SEMA5A: variants seen among roughly 807,000 people sequenced by gnomAD.
SEMA5A encodes the protein semaphorin 5A, also known as semaphorin-5A.
A neutral mutation model predicts 135.5 loss-of-function variants in SEMA5A; 55 were observed. The observed-to-expected ratio is 0.41, with a 90% CI of 0.33 to 0.51. SEMA5A has a LOEUF of 0.51. SEMA5A is among the 20% of genes least tolerant of loss of function. SEMA5A has a pLI of 0.37. For missense variants in SEMA5A, 1,290 were observed against 1,419.9 expected (o/e 0.91, Z 1.47); for synonymous variants, 580 against 546.5 (o/e 1.06, Z -0.85).
At chr5:9,207,033 T>G (rs1366723230) in intron 8 of SEMA5A, among the ~76,000 whole-genome samples, 2 of 144,418 alleles carry the variant, frequency 1.4e-5, no homozygotes, top group Non-Finnish European at 3.0e-5. Flanking sequence ...ACCATTTATT[T>G]ACTCTCAATG....
intron 7 of SEMA5A, among the ~76,000 whole-genome samples, chr5:9,226,109 T>G (rs1283322131): frequency 6.6e-6 from 1 of 152,178 alleles, no homozygotes; most frequent in Non-Finnish European, 1.5e-5. Flanking sequence ...ACACCCCTTA[T>G]CATCCAACTC....
chr5:9,145,535 G>T (rs1373452706), intron 12 of SEMA5A, among the ~76,000 whole-genome samples: 1 of 152,080 alleles, frequency 6.6e-6, no homozygotes, highest in Non-Finnish European at 1.5e-5. Context: ...GGGGTCTGGA[G>T]CCAAGAAGTG....
chr5:9,109,027 A>ATTTTTTTTTTTTTTTTTTTTT (rs1305606521), intron 15 of SEMA5A, among the ~76,000 whole-genome samples: 3 of 118,954 alleles, frequency 2.5e-5, no homozygotes, highest in East Asian at 2.6e-4. Context: ...ATTTCTCTTC[A>ATTTTTTTTTTTTTTTTTTTTT]ATTTTTTTTT....
chr5:9,369,698 C>T (rs1245548547), intron 3 of SEMA5A, among the ~76,000 whole-genome samples: 1 of 151,492 alleles, frequency 6.6e-6, no homozygotes, highest in African/African-American at 2.4e-5. Context: ...TGTTCATTGC[C>T]TTATAGTTTT....
intron 3 of SEMA5A, among the ~76,000 whole-genome samples, chr5:9,351,957 G>A (rs1287814522): frequency 3.9e-5 from 6 of 152,030 alleles, no homozygotes; most frequent in African/African-American, 9.7e-5. Context: ...CTCTCTCATC[G>A]TTCATTCAAG....
At chr5:9,144,075 G>A (rs1579473673) in intron 12 of SEMA5A, among the ~76,000 whole-genome samples, 1 of 152,250 alleles carries the variant, frequency 6.6e-6, no homozygotes, top group Non-Finnish European at 1.5e-5. Context: ...AGGAAGAAAA[G>A]AAAATAATTA....
chr5:9,394,320 G>A (rs1281526115), intron 2 of SEMA5A, among the ~76,000 whole-genome samples: 1 of 152,078 alleles, frequency 6.6e-6, no homozygotes, highest in Admixed American at 6.6e-5. Context: ...CCCCAAGAGT[G>A]GTAACCATTT....
intron 4 of SEMA5A, among the ~76,000 whole-genome samples, chr5:9,320,315 A>G (rs1752571673): frequency 6.6e-6 from 1 of 152,226 alleles, no homozygotes; most frequent in South Asian, 2.1e-4. Flanking sequence ...ATAATGCTAC[A>G]GCCCTCTATG....
At chr5:9,223,490 T>C (rs1747117262) in intron 8 of SEMA5A, among the ~76,000 whole-genome samples, 1 of 152,180 alleles carries the variant, frequency 6.6e-6, no homozygotes, top group Admixed American at 6.5e-5. Context: ...AGGATGCTAC[T>C]GGCATATAAT....
Position 9,544,229 on chromosome 5 carries a change from C to A in SEMA5A, c.-175+1355G>T, listed in dbSNP as rs538442956. 3.9e-5 allele frequency among the ~76,000 whole-genome samples: 6 copies of A among 152,208 alleles called. No homozygotes were observed. The East Asian group carries it at 1.2e-3, about 29-fold the overall frequency. On this transcript the variant is annotated intron_variant, in intron 1 of 22. Coordinates refer to ENST00000382496, the MANE Select transcript of SEMA5A (RefSeq NM_003966.3). ...AAAACTTGTCTTTCTTCAAAACAAA[C>A]CAGAACAATCATTTGTGACTCCTGA...
chr5:9,075,253 A>G (rs1378315710), intron 16 of SEMA5A, among the ~76,000 whole-genome samples: 3 of 152,202 alleles, frequency 2.0e-5, no homozygotes, highest in Non-Finnish European at 4.4e-5. Flanking sequence ...AAGCCATTTG[A>G]AAACTGTTTG....
chr5:9,488,801 G>A (rs10513020), intron 1 of SEMA5A, among the ~76,000 whole-genome samples: 3 of 152,096 alleles, frequency 2.0e-5, no homozygotes, highest in Non-Finnish European at 2.9e-5. Context: ...CCACCATAAG[G>A]TTCAAAGATT....
chr5:9,470,710 A>G (rs1374458231), intron 1 of SEMA5A, among the ~76,000 whole-genome samples: 1 of 152,138 alleles, frequency 6.6e-6, no homozygotes, highest in Non-Finnish European at 1.5e-5. Context: ...TTATTTCCCT[A>G]ACAGTGACCA....
At chr5:9,272,220 G>A (rs1044616029) in intron 5 of SEMA5A, among the ~76,000 whole-genome samples, 2 of 152,040 alleles carry the variant, frequency 1.3e-5, no homozygotes, top group African/African-American at 2.4e-5. Flanking sequence ...TGAGTAGGTG[G>A]TTTTACCCTC....
intron 5 of SEMA5A, among the ~76,000 whole-genome samples, chr5:9,255,938 C>T (rs1749047055): frequency 1.3e-5 from 2 of 152,150 alleles, no homozygotes; most frequent in African/African-American, 4.8e-5. Flanking sequence ...ATACACTACC[C>T]ACTTAGTTGC....
intron 5 of SEMA5A, among the ~76,000 whole-genome samples, chr5:9,279,664 C>T (rs781571133): frequency 6.6e-6 from 1 of 152,072 alleles, no homozygotes; most frequent in African/African-American, 2.4e-5. Flanking sequence ...AGATTTCCCC[C>T]TTGCTGTTCT....
At chr5:9,340,238 C>T (rs986850573) in intron 3 of SEMA5A, among the ~76,000 whole-genome samples, 3 of 152,150 alleles carry the variant, frequency 2.0e-5, no homozygotes, top group Admixed American at 2.0e-4. Flanking sequence ...GGAGCACTGC[C>T]AGGACCAGGC....
intron 8 of SEMA5A, among the ~76,000 whole-genome samples, chr5:9,205,479 C>T (rs1264825345): frequency 1.3e-5 from 2 of 152,104 alleles, no homozygotes; most frequent in African/African-American, 4.8e-5. Flanking sequence ...TCATTCTGTA[C>T]CCTGTGTCTG....
intron 5 of SEMA5A, among the ~76,000 whole-genome samples, chr5:9,309,513 C>G (rs891638320): frequency 2.6e-5 from 4 of 151,986 alleles, no homozygotes; most frequent in African/African-American, 9.7e-5. Flanking sequence ...TGGCATGATC[C>G]TTTGCATGAT....
Sources: gnomAD v4.1 joint callset for allele counts (sites outside exome capture counted in the v4.1 genomes callset) on GRCh38, gnomAD v4.1.1 for gene constraint, MANE v1.5 for transcripts, NCBI Gene and HGNC (gene_info 2026-07-23, HGNC 2026-07-21) for gene names.